PSMB5: variants seen among roughly 807,000 people sequenced by gnomAD.
PSMB5 encodes the protein proteasome subunit beta type-5.
PSMB5 carries 2 observed loss-of-function variants against 22.8 expected under a neutral mutation model. The ratio of observed to expected loss-of-function variants is 0.09; its 90% CI spans 0.04 to 0.28. The LOEUF (loss-of-function observed/expected upper bound fraction) is 0.28. Ranked by LOEUF, PSMB5 falls within the 10% of genes least tolerant of loss-of-function variation. The probability of loss-of-function intolerance (pLI) is 1.00; values close to 1 mark genes in which losing one functional copy is unlikely to be tolerated. For synonymous variants in PSMB5, 133 were observed against 135.3 expected, an observed-to-expected ratio of 0.98 and a Z score of 0.12; for missense variants, 269 against 343.8, an observed-to-expected ratio of 0.78 and a Z score of 1.72.
rs369529779 is a variant in PSMB5, at chr14:23,026,166, G to A, written c.715C>T (p.Arg239Trp). 4.6e-5 allele frequency: 75 copies of A among 1,613,974 alleles called. No individual in the cohort carries two copies. Among genetic ancestry groups the A allele is most frequent in the East Asian group, 6.7e-5 (3 of 44,876 alleles). Reference sequence around the variant, plus strand: ...GAGACTCGGATCCAGCCATCCTCCCGCACGTGGTAGAGGTTGACTGCACCT... The same window carrying A: ...GAGACTCGGATCCAGCCATCCTCCCACACGTGGTAGAGGTTGACTGCACCT... ...SGGAVNLYHV[R>W]EDGWIRVSSD... Residue 239 changes from arginine (R) to tryptophan (W), a missense_variant, in exon 3 of 3, where the codon CGG becomes TGG. Physicochemically the swap from Arg to Trp is moderately radical, Grantham distance 101. This residue lies in a region of PSMB5 where 113 missense variants were observed against 130.2 expected (regional missense o/e 0.87). Coordinates refer to ENST00000361611, the MANE Select transcript of PSMB5 (RefSeq NM_002797.5).
intron 2 of PSMB5, among the ~76,000 whole-genome samples, chr14:23,032,651 T>C (rs971549071): frequency 6.6e-6 from 1 of 151,422 alleles, no homozygotes; most frequent in Non-Finnish European, 1.5e-5. Flanking sequence ...CAGGCTGGAG[T>C]GCAGTGGCAC....
In PSMB5 at chr14:23,026,783, T is replaced by TA. The variant is rs200774950; in HGVS notation, c.506-409dup. ...TTCTCTTAAAACCTAGAATAAAATTTAAAAAAATAAAAAAATAGGCCGGGC... is the reference window on the plus strand; with the variant it reads ...TTCTCTTAAAACCTAGAATAAAATTTAAAAAAAATAAAAAAATAGGCCGGGC... On this transcript the variant is annotated intron_variant, in intron 2 of 2. Transcript: ENST00000361611. 9.5e-3 allele frequency among the ~76,000 whole-genome samples: 1,413 copies of TA among 148,536 alleles called. 22 individuals are homozygous for TA. The highest frequency in any genetic ancestry group is 0.033 in the African/African-American group (1,344 of 40,582).
At position 23,026,272 on chromosome 14, in the gene PSMB5, G is replaced by A. The variant is rs759817497; in HGVS notation, c.609C>T (p.Ser203=). 6.2e-7 allele frequency: 1 copy of A among 1,614,080 alleles called. No homozygotes were observed. The highest frequency in any genetic ancestry group is 2.2e-5 in the East Asian group (1 of 44,852). Residue 203 remains serine (S), a synonymous_variant, in exon 3 of 3, where the codon TCC becomes TCT. Coordinates refer to ENST00000361611, the MANE Select transcript of PSMB5 (RefSeq NM_002797.5). ...AGGCCTGCTCCACTTCCAGGTCATAGGAATAGCCCCGATCCATGACCCCAT... is the reference window on the plus strand; with the variant it reads ...AGGCCTGCTCCACTTCCAGGTCATAAGAATAGCCCCGATCCATGACCCCAT... ...YAYGVMDRGY[S]YDLEVEQAYD...
intron 2 of PSMB5, among the ~76,000 whole-genome samples, chr14:23,028,383 A>G (rs2046931077): frequency 6.6e-6 from 1 of 152,218 alleles, no homozygotes; most frequent in African/African-American, 2.4e-5. Context: ...TCACATTGTA[A>G]AGACCTGCAC....
chr14:23,033,166 GAT>G (rs914549742), intron 2 of PSMB5, among the ~76,000 whole-genome samples, 200 bp downstream of exon 2: 6 of 148,954 alleles, frequency 4.0e-5, no homozygotes, highest in Non-Finnish European at 8.9e-5. Flanking sequence ...AGTGAGCTGA[GAT>G]CATGCCACTG....
chr14:23,033,725 C>T (rs2046970621), intron 1 of PSMB5, 51 bp from the exon 2 acceptor site: 16 of 1,521,530 alleles, frequency 1.1e-5, no homozygotes, highest in Non-Finnish European at 1.4e-5. Flanking sequence ...ACCACAAAAA[C>T]ACTCCTACAT....
chr14:23,027,907 G>GCCGAGGCAGGTGGGT lies in PSMB5; in HGVS notation c.506-1547_506-1533dup, dbSNP rs1478383183. On this transcript the variant is annotated intron_variant, in intron 2 of 2. Transcript: ENST00000361611. ...ACCCGTAATCCCAGCACTTTGGGAG[G>GCCGAGGCAGGTGGGT]CCGAGGCAGGTGGGTCACCTGAGGT... 1.1e-5 allele frequency: 12 copies of GCCGAGGCAGGTGGGT among 1,103,476 alleles called. No homozygotes were observed. The East Asian group carries it at 3.1e-4, about 28-fold the overall frequency. 68.4% of individuals were successfully genotyped at this position (1,103,476 alleles called of 1,614,324 possible).
intron 2 of PSMB5, among the ~76,000 whole-genome samples, chr14:23,028,993 C>T (rs896487503): frequency 7.2e-5 from 11 of 152,316 alleles, no homozygotes; most frequent in Admixed American, 6.5e-4. Context: ...CATCACTACT[C>T]TTTTTCCTGT....
intron 1 of PSMB5, chr14:23,034,354 C>G: frequency 7.0e-6 from 2 of 286,390 alleles, no homozygotes; most frequent in Non-Finnish European, 1.3e-5. Flanking sequence ...TTTACAATAG[C>G]CTTCCCTCGG....
At chr14:23,034,952 C>A, upstream of PSMB5, 2 of 1,531,932 alleles carry the variant, frequency 1.3e-6, no homozygotes, top group South Asian at 1.2e-5. Flanking sequence ...GCCTCGCCGT[C>A]ACAGCTTCAC....
chr14:23,030,927 A>AAAATAAAT (rs371368022), intron 2 of PSMB5, among the ~76,000 whole-genome samples: 1 of 151,732 alleles, frequency 6.6e-6, no homozygotes, highest in East Asian at 1.9e-4. Context: ...CTCCATCTCA[A>AAAATAAAT]AAATAAATAA....
chr14:23,033,058 C>T (rs1342390393), intron 2 of PSMB5, among the ~76,000 whole-genome samples: 1 of 151,830 alleles, frequency 6.6e-6, no homozygotes, highest in Non-Finnish European at 1.5e-5. Context: ...AGGCGCCCGC[C>T]ACCACGCCGG....
intron 2 of PSMB5, among the ~76,000 whole-genome samples, chr14:23,031,204 A>G (rs2139918516): frequency 6.6e-6 from 1 of 152,154 alleles, no homozygotes; most frequent in East Asian, 1.9e-4. Flanking sequence ...CGGTCCCTGT[A>G]CTCTTTTACA....
chr14:23,030,573 G>A (rs2046945738), intron 2 of PSMB5, among the ~76,000 whole-genome samples: 1 of 152,024 alleles, frequency 6.6e-6, no homozygotes, highest in Non-Finnish European at 1.5e-5. Context: ...TTTGTCCCAA[G>A]ACCCCTGCAT....
intron 2 of PSMB5, among the ~76,000 whole-genome samples, chr14:23,027,394 ATAAT>A (rs1425421862): frequency 1.4e-5 from 2 of 138,696 alleles, no homozygotes; most frequent in African/African-American, 5.5e-5. Context: ...AAAAAAAAAA[ATAAT>A]AATAATAATA....
upstream of PSMB5, chr14:23,035,109 T>C (rs554313708): frequency 2.6e-6 from 2 of 776,438 alleles, no homozygotes; most frequent in African/African-American, 3.5e-5. Context: ...TAAAAGGACG[T>C]ACCTGCCATC....
intron 2 of PSMB5, among the ~76,000 whole-genome samples, chr14:23,029,543 T>C (rs1019808106): frequency 5.9e-5 from 9 of 152,342 alleles, no homozygotes; most frequent in Admixed American, 3.3e-4. Context: ...TTTTTATTTA[T>C]TGATTGACTG....
At chr14:23,034,492 A>C in intron 1 of PSMB5, 192 bp downstream of exon 1, 1 of 648,662 alleles carries the variant, frequency 1.5e-6, no homozygotes. Flanking sequence ...CCCCACCGCC[A>C]CCCTTTCCAA....
At chr14:23,033,766 CAT>C (rs1268731253) in intron 1 of PSMB5, 92 bp from the exon 2 acceptor site, 2 of 1,136,652 alleles carry the variant, frequency 1.8e-6, no homozygotes, top group African/African-American at 3.1e-5. Context: ...AAACCCAGCA[CAT>C]CTCTTTCTCC....
Sources: gnomAD v4.1 joint callset for allele counts (sites outside exome capture counted in the v4.1 genomes callset) on GRCh38, gnomAD v4.1.1 for gene constraint, gnomAD v4.1.1 regional missense constraint, MANE v1.5 for transcripts, NCBI Gene and HGNC (gene_info 2026-07-23, HGNC 2026-07-21) for gene names.